Variants in DLEU7 observed in about 807,000 individuals in gnomAD.
The protein encoded by DLEU7 is deleted in lymphocytic leukemia 7, also known as leukemia-associated protein 7.
Under a neutral mutation model 16.0 loss-of-function variants are expected in DLEU7, and 17 were observed. The observed-to-expected ratio is 1.06, with a 90% CI of 0.73 to 1.59. The LOEUF is 1.59. Among genes scored for constraint, DLEU7 ranks in the 40% most tolerant of loss-of-function variants. The pLI, the probability that DLEU7 is intolerant of heterozygous loss-of-function variation, is 0.00. For synonymous variants in DLEU7, 113 were observed against 139.8 expected (o/e 0.81, Z 1.35); for missense variants, 308 against 314.9 (o/e 0.98, Z 0.17).
intron 1 of DLEU7, among the ~76,000 whole-genome samples, chr13:50,772,211 C>G (rs897842624): frequency 6.6e-6 from 1 of 152,148 alleles, no homozygotes; most frequent in African/African-American, 2.4e-5. Context: ...GGTCTTGACT[C>G]TTTATCCAAT....
At chr13:50,762,864 G>A (rs951471180) in intron 1 of DLEU7, among the ~76,000 whole-genome samples, 1 of 151,250 alleles carries the variant, frequency 6.6e-6, no homozygotes, top group African/African-American at 2.4e-5. Flanking sequence ...CTGCATCCAG[G>A]AAAGATCTGC....
At chr13:50,751,191 G>A (rs1458501753) in intron 1 of DLEU7, among the ~76,000 whole-genome samples, 3 of 152,118 alleles carry the variant, frequency 2.0e-5, no homozygotes, top group Admixed American at 1.3e-4. Flanking sequence ...GAGATATCAC[G>A]TGATTTTTGT....
At chr13:50,802,709 C>T (rs1876284446) in intron 1 of DLEU7, among the ~76,000 whole-genome samples, 1 of 152,150 alleles carries the variant, frequency 6.6e-6, no homozygotes, top group South Asian at 2.1e-4. Flanking sequence ...GTAACTCTCC[C>T]TCTTATCTCT....
intron 1 of DLEU7, among the ~76,000 whole-genome samples, chr13:50,814,206 A>G (rs980081635): frequency 2.6e-5 from 4 of 152,178 alleles, no homozygotes; most frequent in African/African-American, 7.2e-5. Context: ...AGTTGACTCC[A>G]TGATTCCTTA....
Position 50,766,265 on chromosome 13 carries a change from C to T in DLEU7, c.460-53025G>A, listed in dbSNP as rs149138428. Among the ~76,000 whole-genome samples the T allele has an allele frequency of 1.7e-3, 260 of 152,274 alleles. 1 individual carries two copies. The highest frequency in any genetic ancestry group is 6.0e-3 in the African/African-American group (248 of 41,562). The stretch of plus-strand genomic sequence containing the variant: ...CAGCCCAAATTGCTCACTCCCATCA[C>T]GTTCGGCATCATGTTCAGCACAGCT... On this transcript the variant is annotated intron_variant, in intron 1 of 1. Transcript: ENST00000400393.
At chr13:50,750,707 G>A (rs1593540936) in intron 1 of DLEU7, among the ~76,000 whole-genome samples, 2 of 152,162 alleles carry the variant, frequency 1.3e-5, no homozygotes, top group South Asian at 2.1e-4. Flanking sequence ...TGCAGCTATC[G>A]TAAAAGGGGT....
At chr13:50,776,819 A>G (rs748241624) in intron 1 of DLEU7, among the ~76,000 whole-genome samples, 1 of 152,208 alleles carries the variant, frequency 6.6e-6, no homozygotes, top group African/African-American at 2.4e-5. Context: ...ATGTTCTGGA[A>G]TAGAAATCCT....
intron 1 of DLEU7, among the ~76,000 whole-genome samples, chr13:50,836,551 G>C (rs925798699): frequency 2.6e-5 from 4 of 152,084 alleles, no homozygotes; most frequent in Non-Finnish European, 5.9e-5. Context: ...GCAGGCGCCT[G>C]TAGTCCCAGC....
chr13:50,832,004 T>C (rs1877286743), intron 1 of DLEU7, among the ~76,000 whole-genome samples: 1 of 152,200 alleles, frequency 6.6e-6, no homozygotes, highest in African/African-American at 2.4e-5. Flanking sequence ...CCTCATAAAA[T>C]GAGTTAGGAG....
intron 1 of DLEU7, among the ~76,000 whole-genome samples, chr13:50,745,821 A>G (rs1169806244): frequency 1.3e-5 from 2 of 152,146 alleles, no homozygotes; most frequent in Non-Finnish European, 2.9e-5. Context: ...CTTTCAGTCT[A>G]TTTAATAGGA....
chr13:50,713,540 A>G (rs555255196), intron 1 of DLEU7, among the ~76,000 whole-genome samples: 37 of 152,292 alleles, frequency 2.4e-4, no homozygotes, highest in African/African-American at 8.4e-4. Context: ...CTTCTTCCTG[A>G]AATGAGAAGG....
chr13:50,815,561 G>A (rs949682750), intron 1 of DLEU7, among the ~76,000 whole-genome samples: 4 of 152,046 alleles, frequency 2.6e-5, no homozygotes, highest in Non-Finnish European at 4.4e-5. Flanking sequence ...TAAAACACCT[G>A]GAAACAATGG....
At chr13:50,805,516 T>C (rs887317302) in intron 1 of DLEU7, among the ~76,000 whole-genome samples, 5 of 151,406 alleles carry the variant, frequency 3.3e-5, no homozygotes, top group African/African-American at 1.2e-4. Context: ...GATTTTCTTC[T>C]TCAAGAACAC....
chr13:50,834,023 T>G (rs1877364662), intron 1 of DLEU7, among the ~76,000 whole-genome samples: 1 of 152,128 alleles, frequency 6.6e-6, no homozygotes. Context: ...TCCTTACAGC[T>G]TATACAAAAA....
chr13:50,843,791 C>A, upstream of DLEU7: 1 of 1,158,028 alleles, frequency 8.6e-7, no homozygotes, highest in South Asian at 1.6e-5. The surrounding 1 kb of genome is among the most constrained non-coding windows in gnomAD (Gnocchi z 5.7). Flanking sequence ...CGGCCCCGCC[C>A]CCGGCTCTGA....
intron 1 of DLEU7, among the ~76,000 whole-genome samples, chr13:50,775,409 C>T (rs1875464060): frequency 6.6e-6 from 1 of 152,190 alleles, no homozygotes; most frequent in Non-Finnish European, 1.5e-5. Context: ...TAGTTTGAGG[C>T]ATTTTTCAAG....
At chr13:50,769,294 A>C (rs947770034) in intron 1 of DLEU7, among the ~76,000 whole-genome samples, 1 of 152,198 alleles carries the variant, frequency 6.6e-6, no homozygotes, top group South Asian at 2.1e-4. Context: ...TAGTTTCATT[A>C]GATCCTATTT....
intron 1 of DLEU7, among the ~76,000 whole-genome samples, chr13:50,714,912 C>T (rs528226420): frequency 2.8e-4 from 43 of 152,318 alleles, no homozygotes; most frequent in Admixed American, 1.1e-3. Context: ...CCAGTGGGCG[C>T]GGCTGGTGTG....
intron 1 of DLEU7, among the ~76,000 whole-genome samples, chr13:50,816,557 A>G (rs373186084): frequency 1.3e-5 from 2 of 152,222 alleles, no homozygotes; most frequent in Non-Finnish European, 1.5e-5. Flanking sequence ...ATTCTGTGGA[A>G]TGTGGCCCAA....
Sources: allele counts gnomAD v4.1 joint callset (sites outside exome capture counted in the v4.1 genomes callset), GRCh38; gene constraint gnomAD v4.1.1; non-coding constraint Gnocchi (gnomAD v3.1); transcripts MANE v1.5; gene names NCBI Gene and HGNC (gene_info 2026-07-23, HGNC 2026-07-21).